Variants in SORBS2 observed in about 807,000 individuals in gnomAD.
SORBS2 encodes sorbin and SH3 domain-containing protein 2.
In SORBS2, 46 loss-of-function variants were observed where a neutral mutation model predicts 97.7. The ratio of observed to expected loss-of-function variants is 0.47; its 90% CI spans 0.37 to 0.60. The LOEUF is 0.60. Among genes scored for constraint, SORBS2 ranks in the 20% least tolerant of loss-of-function variants. SORBS2 has a pLI of 0.00. For synonymous variants in SORBS2, 476 were observed against 473.4 expected, an observed-to-expected ratio of 1.01 and a Z score of -0.07; for missense variants, 1,316 against 1,282.3, an observed-to-expected ratio of 1.03 and a Z score of -0.40.
intron 2 of SORBS2, among the ~76,000 whole-genome samples, chr4:185,749,586 T>C (rs1277554393): frequency 6.6e-6 from 1 of 152,170 alleles, no homozygotes; most frequent in East Asian, 1.9e-4. Flanking sequence ...TGTGTTACCT[T>C]AGGGTATATG....
intron 1 of SORBS2, among the ~76,000 whole-genome samples, chr4:185,922,815 G>C (rs2099261543): frequency 6.6e-6 from 1 of 152,210 alleles, no homozygotes; most frequent in African/African-American, 2.4e-5. Context: ...TCATATGGCA[G>C]ATATTATTAT....
At chr4:185,728,916 C>T (rs1282643611) in intron 2 of SORBS2, among the ~76,000 whole-genome samples, 2 of 152,224 alleles carry the variant, frequency 1.3e-5, no homozygotes, top group Admixed American at 1.3e-4. Flanking sequence ...ACACGAGGAG[C>T]CAAATGCATG....
At chr4:185,864,803 T>C (rs1478763056) in intron 1 of SORBS2, among the ~76,000 whole-genome samples, 8 of 151,710 alleles carry the variant, frequency 5.3e-5, no homozygotes, top group Admixed American at 6.6e-5. Context: ...TAACAACTAC[T>C]TGGGAGGCCG....
chr4:185,833,172 C>G (rs1329996988), intron 1 of SORBS2, among the ~76,000 whole-genome samples: 2 of 152,154 alleles, frequency 1.3e-5, no homozygotes, highest in Non-Finnish European at 2.9e-5. Flanking sequence ...TTTATCTGTA[C>G]CACCCCATCT....
intron 2 of SORBS2, 86 bp from the exon 3 acceptor site, chr4:185,734,240 G>C (rs559583388): frequency 6.6e-6 from 1 of 152,598 alleles, no homozygotes; most frequent in South Asian, 2.1e-4. Flanking sequence ...AGATCAAACT[G>C]AGGACAACGT....
chr4:185,931,998 C>CTA (rs1465960781), intron 1 of SORBS2, among the ~76,000 whole-genome samples: 56 of 150,490 alleles, frequency 3.7e-4, no homozygotes, highest in African/African-American at 1.1e-3. Flanking sequence ...CTCTCTCTCT[C>CTA]TCTCTATATA....
chr4:185,731,453 C>T, intron 2 of SORBS2, among the ~76,000 whole-genome samples: 2 of 145,092 alleles, frequency 1.4e-5, no homozygotes, highest in African/African-American at 5.1e-5. Flanking sequence ...TCTCCCCCTC[C>T]CTCCCTCCCT....
intron 1 of SORBS2, among the ~76,000 whole-genome samples, chr4:185,799,342 C>A (rs1186744235): frequency 3.3e-5 from 5 of 152,228 alleles, no homozygotes; most frequent in Non-Finnish European, 5.9e-5. Context: ...GTTGTAACAG[C>A]TACAGAGAAT....
chr4:185,929,618 C>T (rs1242738521), intron 1 of SORBS2, among the ~76,000 whole-genome samples: 1 of 151,404 alleles, frequency 6.6e-6, no homozygotes, highest in Admixed American at 6.6e-5. Context: ...TCACTGGAAC[C>T]TCCGCCTCCC....
At chr4:185,917,433 G>T (rs913353057) in intron 1 of SORBS2, among the ~76,000 whole-genome samples, 3 of 152,090 alleles carry the variant, frequency 2.0e-5, no homozygotes, top group Admixed American at 1.3e-4. Context: ...TCGCCATGTT[G>T]TCCAGGCTGG....
chr4:185,602,714 TG>T (rs1441749897), intron 12 of SORBS2, among the ~76,000 whole-genome samples: 1 of 151,564 alleles, frequency 6.6e-6, no homozygotes, highest in Non-Finnish European at 1.5e-5. Flanking sequence ...ATTCTTGAAA[TG>T]GAAGAAATAA....
intron 1 of SORBS2, among the ~76,000 whole-genome samples, chr4:185,827,060 TCATCATCACCATCATCATCAC>T (rs2099200374): frequency 9.7e-5 from 13 of 133,350 alleles, no homozygotes; most frequent in African/African-American, 1.4e-4. Flanking sequence ...ATCACCATCA[TCATCATCACCATCATCATCAC>T]CATCATCACC....
intron 1 of SORBS2, among the ~76,000 whole-genome samples, chr4:185,913,018 T>G (rs199830884): frequency 6.6e-6 from 1 of 152,074 alleles, no homozygotes; most frequent in Non-Finnish European, 1.5e-5. Context: ...TCATGGAAAA[T>G]AGTTTTCATT....
chr4:185,635,554 T>A, intron 4 of SORBS2, 143 bp from the exon 16 acceptor site: 1 of 636,740 alleles, frequency 1.6e-6, no homozygotes, highest in South Asian at 2.0e-5. Flanking sequence ...CAGAATGACA[T>A]GAATGGAGCA....
upstream of SORBS2, among the ~76,000 whole-genome samples, chr4:185,658,193 G>T (rs1455366751): frequency 6.6e-6 from 1 of 152,082 alleles, no homozygotes; most frequent in Admixed American, 6.6e-5. Flanking sequence ...ATAAATAAAT[G>T]CTGTAAAATT....
At chr4:185,587,790 C>A in intron 14 of SORBS2, 102 bp from the exon 27 acceptor site, 1 of 891,392 alleles carries the variant, frequency 1.1e-6, no homozygotes. Flanking sequence ...AGACAGCAAG[C>A]CCCGAGGGGT....
At chr4:185,832,469 G>A (rs1047155308) in intron 1 of SORBS2, among the ~76,000 whole-genome samples, 6 of 152,140 alleles carry the variant, frequency 3.9e-5, no homozygotes, top group Admixed American at 2.6e-4. Flanking sequence ...TGACTTAGAA[G>A]TCAATGATTT....
chr4:185,736,028 A>C (rs554147524), intron 2 of SORBS2, among the ~76,000 whole-genome samples: 1 of 152,360 alleles, frequency 6.6e-6, no homozygotes, highest in African/African-American at 2.4e-5. Flanking sequence ...ATGGAGAAGC[A>C]GAGCCGTGGA....
At chr4:185,822,337 T>C (rs538674572) in intron 1 of SORBS2, among the ~76,000 whole-genome samples, 13 of 152,354 alleles carry the variant, frequency 8.5e-5, no homozygotes, top group Non-Finnish European at 1.9e-4. Context: ...TCTGTATTCC[T>C]TGTTGGTAAC....
Sources: allele counts gnomAD v4.1 joint callset (sites outside exome capture counted in the v4.1 genomes callset), GRCh38; gene constraint gnomAD v4.1.1; transcripts MANE v1.5; gene names NCBI Gene and HGNC (gene_info 2026-07-23, HGNC 2026-07-21).